The following MED27 variants were observed in gnomAD, a reference collection of about 807,000 sequenced individuals.
MED27 encodes mediator of RNA polymerase II transcription subunit 27.
In MED27, 30 loss-of-function variants were observed where a neutral mutation model predicts 38.2. That is an observed-to-expected ratio of 0.79 (90% CI 0.59 to 1.07). MED27 has a LOEUF of 1.07. Among genes scored for constraint, MED27 ranks in the 50% least tolerant of loss-of-function variants. The probability of loss-of-function intolerance (pLI) is 0.00; values close to 1 mark genes in which losing one functional copy is unlikely to be tolerated. For synonymous variants in MED27, 122 were observed against 153.5 expected, an observed-to-expected ratio of 0.79 and a Z score of 1.52; for missense variants, 289 against 397.5, an observed-to-expected ratio of 0.73 and a Z score of 2.32.
chr9:131,985,690 TTTAA>T (rs1373391448), intron 3 of MED27, among the ~76,000 whole-genome samples: 2 of 151,272 alleles, frequency 1.3e-5, no homozygotes, highest in African/African-American at 4.9e-5. Flanking sequence ...GTACTATAAT[TTTAA>T]TTGTTTTTTT....
At chr9:131,887,691 G>A (rs960798872) in intron 5 of MED27, among the ~76,000 whole-genome samples, 23 of 152,184 alleles carry the variant, frequency 1.5e-4, no homozygotes, top group Admixed American at 5.2e-4. Context: ...CAAAAAAGGA[G>A]CATTCTGGAA....
In MED27 at chr9:131,872,536, G is replaced by A. The variant is rs1838856055; in HGVS notation, c.724-9396C>T. Among the ~76,000 whole-genome samples, 1 of 151,302 alleles carries A rather than the reference G, an allele frequency of 6.6e-6. No homozygotes were observed. Among genetic ancestry groups the A allele is most frequent in the Non-Finnish European group, 1.5e-5 (1 of 68,038 alleles). ...TGAAGAGAAGATTCTCTTAGATCTG[G>A]GTGAAAGTGACAAAAAGGCAGACAG... On this transcript the variant is annotated intron_variant, in intron 6 of 7. Transcript: ENST00000292035. The surrounding 1 kb of genome is among the most constrained non-coding windows in gnomAD (Gnocchi z 5.6).
intron 3 of MED27, among the ~76,000 whole-genome samples, chr9:131,972,662 A>G (rs1831504805): frequency 6.6e-6 from 1 of 152,264 alleles, no homozygotes. Flanking sequence ...AGACTCAGGT[A>G]GGGGTAATGC....
At chr9:132,071,257 G>A (rs1400386021) in intron 2 of MED27, among the ~76,000 whole-genome samples, 2 of 151,820 alleles carry the variant, frequency 1.3e-5, no homozygotes, top group African/African-American at 2.4e-5. Flanking sequence ...TCAGGCTCTG[G>A]AGCCTACGCT....
intron 4 of MED27, among the ~76,000 whole-genome samples, chr9:131,897,124 C>T (rs1372758554): frequency 6.6e-6 from 1 of 152,220 alleles, no homozygotes; most frequent in Non-Finnish European, 1.5e-5. Context: ...CATTGCTGCA[C>T]GACATTCTAC....
chr9:132,079,602 G>C (rs1275854394), intron 1 of MED27, 40 bp downstream of exon 1: 2 of 1,601,510 alleles, frequency 1.2e-6, no homozygotes, highest in South Asian at 2.2e-5. Flanking sequence ...GGTCGGAGCG[G>C]GGCCGGTCCC....
intron 3 of MED27, among the ~76,000 whole-genome samples, chr9:131,967,865 C>T (rs1272872469): frequency 6.9e-6 from 1 of 144,308 alleles, no homozygotes; most frequent in Non-Finnish European, 1.5e-5. Flanking sequence ...GCCGCCCAGG[C>T]TGTAGTGCAG....
chr9:131,900,061 G>A (rs1319355959), intron 4 of MED27, among the ~76,000 whole-genome samples: 3 of 152,202 alleles, frequency 2.0e-5, no homozygotes, highest in African/African-American at 7.2e-5. Context: ...TCTATACCAA[G>A]CAGCACATTT....
chr9:131,881,877 TC>T (rs996841700), intron 6 of MED27, among the ~76,000 whole-genome samples: 1 of 134,066 alleles, frequency 7.5e-6, no homozygotes, highest in African/African-American at 2.8e-5. Context: ...CACTGCAACC[TC>T]CCGCGTAGCT....
At position 131,866,188 on chromosome 9, in the gene MED27, C is replaced by A. The variant is rs1300831894; in HGVS notation, c.724-3048G>T. On this transcript the variant is annotated intron_variant, in intron 6 of 7. Transcript: ENST00000292035. ...CCTGATCTTTATTTGAGCTCATCTT[C>A]CCTGGCCTGACAGATCTGTGCCCAT... Among the ~76,000 whole-genome samples the A allele has an allele frequency of 2.0e-5, 3 of 152,212 alleles. 1 individual carries two copies. Among genetic ancestry groups the A allele is most frequent in the African/African-American group, 7.2e-5 (3 of 41,458 alleles).
At chr9:131,986,999 A>ATTTTTTTTTTTTTT in intron 3 of MED27, among the ~76,000 whole-genome samples, 1 of 46,224 alleles carries the variant, frequency 2.2e-5, no homozygotes, top group Non-Finnish European at 3.7e-5. Flanking sequence ...GAGTTCATGG[A>ATTTTTTTTTTTTTT]TTTTTTTTTT....
At chr9:131,965,286 A>G (rs1051642093) in intron 3 of MED27, among the ~76,000 whole-genome samples, 2 of 152,226 alleles carry the variant, frequency 1.3e-5, no homozygotes, top group African/African-American at 4.8e-5. Context: ...AACATACCAC[A>G]GTGGAATGTG....
In MED27 at chr9:131,884,203, A is replaced by C. The variant is rs1212411011; in HGVS notation, c.682-104T>G. On this transcript the variant is annotated intron_variant, in intron 5 of 7. Transcript: ENST00000292035. Reference sequence around the variant, plus strand: ...TAACCCTTCTTAAACTTGAAAAAAAAATCTGATTATAGAATAATAGGATCT... The same window carrying C: ...TAACCCTTCTTAAACTTGAAAAAAACATCTGATTATAGAATAATAGGATCT... 6.1e-6 allele frequency: 5 copies of C among 821,846 alleles called. No individual in the cohort carries two copies. The Admixed American group carries it at 1.5e-4, about 25-fold the overall frequency. 50.9% of individuals were successfully genotyped at this position (821,846 alleles called of 1,614,324 possible).
intron 2 of MED27, among the ~76,000 whole-genome samples, chr9:132,077,100 C>A (rs981857548): frequency 6.6e-6 from 1 of 152,184 alleles, no homozygotes; most frequent in Non-Finnish European, 1.5e-5. Context: ...GCGAACCTGA[C>A]AAAAGCTAGG....
At chr9:131,863,966 C>T (rs1486399909) in intron 6 of MED27, among the ~76,000 whole-genome samples, 1 of 152,180 alleles carries the variant, frequency 6.6e-6, no homozygotes, top group Non-Finnish European at 1.5e-5. Context: ...TGACCTGGAT[C>T]CAGCTCCTTA....
In MED27 at chr9:131,939,414, T is replaced by G. The variant is rs754773477; in HGVS notation, c.540A>C (p.Leu180Phe). The change falls in exon 4 of 8, where the codon TTA (leucine) becomes TTC (phenylalanine). Residue 180 changes from leucine to phenylalanine, a missense_variant. Transcript: ENST00000292035. ...DRMFPEMSIH[L>F]SRPNGTSAML... ...TTGCTGATGTTCCATTGGGTCTGGA[T>G]AAGTGGATGGACATTTCAGGAAACA... 9.3e-6 allele frequency: 15 copies of G among 1,612,210 alleles called. No individual in the cohort carries two copies. The highest frequency in any genetic ancestry group is 1.3e-5 in the Non-Finnish European group (15 of 1,179,282).
At chr9:132,039,692 G>A (rs551819705) in intron 2 of MED27, among the ~76,000 whole-genome samples, 4 of 152,266 alleles carry the variant, frequency 2.6e-5, no homozygotes, top group African/African-American at 7.2e-5. Context: ...TCCCAAGGAC[G>A]AGTGGAAGAG....
chr9:131,920,746 T>C (rs1589212810), intron 4 of MED27, among the ~76,000 whole-genome samples: 1 of 151,170 alleles, frequency 6.6e-6, no homozygotes, highest in South Asian at 2.1e-4. Flanking sequence ...GGGAAACCTT[T>C]GGCCAAAGGC....
chr9:132,056,101 G>A (rs1322553220), intron 2 of MED27, among the ~76,000 whole-genome samples: 3 of 152,128 alleles, frequency 2.0e-5, no homozygotes, highest in African/African-American at 4.8e-5. Flanking sequence ...TTTTATCCTC[G>A]AATATAACAG....
Sources: gnomAD v4.1 joint callset for allele counts (sites outside exome capture counted in the v4.1 genomes callset) on GRCh38, gnomAD v4.1.1 for gene constraint, Gnocchi (gnomAD v3.1) non-coding constraint, MANE v1.5 for transcripts, NCBI Gene and HGNC (gene_info 2026-07-23, HGNC 2026-07-21) for gene names.